Variants in HMGA2 observed in about 807,000 individuals in gnomAD.
HMGA2 encodes high mobility group AT-hook 2, also known as high mobility group protein HMGI-C.
A neutral mutation model predicts 19.1 loss-of-function variants in HMGA2; 8 were observed. The ratio of observed to expected loss-of-function variants is 0.42; its 90% CI spans 0.25 to 0.76. The LOEUF is 0.76. Ranked by LOEUF, HMGA2 falls within the 30% of genes least tolerant of loss-of-function variation. HMGA2 has a pLI of 0.28. For missense variants in HMGA2, 109 were observed against 136.3 expected (o/e 0.80, Z 1.00); for synonymous variants, 60 against 48.8 (o/e 1.23, Z -0.96).
chr12:65,878,792 C>A (rs929183244), intron 3 of HMGA2, among the ~76,000 whole-genome samples: 3 of 152,180 alleles, frequency 2.0e-5, no homozygotes, highest in African/African-American at 7.2e-5. Flanking sequence ...GGTGAGATGG[C>A]TCAGCTGATA....
intron 4 of HMGA2, among the ~76,000 whole-genome samples, chr12:65,959,876 A>T (rs2121327397): frequency 6.6e-6 from 1 of 152,226 alleles, no homozygotes; most frequent in African/African-American, 2.4e-5. Flanking sequence ...ACACACGGCC[A>T]TGTCTTTTTT....
chr12:65,874,457 A>G (rs1428321713), intron 3 of HMGA2, among the ~76,000 whole-genome samples: 1 of 152,162 alleles, frequency 6.6e-6, no homozygotes, highest in African/African-American at 2.4e-5. Flanking sequence ...TTACGCTCAT[A>G]CAACAAAGCC....
At chr12:65,941,553 T>C (rs978106844) in intron 3 of HMGA2, among the ~76,000 whole-genome samples, 2 of 152,204 alleles carry the variant, frequency 1.3e-5, no homozygotes, top group Non-Finnish European at 2.9e-5. Context: ...AGGAGAGATA[T>C]GACTCAGTTA....
At chr12:65,877,782 T>G (rs1873126479) in intron 3 of HMGA2, among the ~76,000 whole-genome samples, 1 of 151,996 alleles carries the variant, frequency 6.6e-6, no homozygotes, top group South Asian at 2.1e-4. Flanking sequence ...GCCTGGTTTT[T>G]TTTTTAGGCC....
chr12:65,883,098 C>G (rs568724658), intron 3 of HMGA2, among the ~76,000 whole-genome samples: 2 of 152,280 alleles, frequency 1.3e-5, no homozygotes, highest in South Asian at 4.1e-4. Context: ...ACCTTCCCAA[C>G]AGAGTTTAAA....
chr12:65,871,851 C>CT (rs1159238211), intron 3 of HMGA2, among the ~76,000 whole-genome samples: 1 of 152,234 alleles, frequency 6.6e-6, no homozygotes, highest in East Asian at 1.9e-4. Context: ...GCAGAATAAT[C>CT]TTTGATTACC....
intron 3 of HMGA2, among the ~76,000 whole-genome samples, chr12:65,880,789 A>G (rs73121705): frequency 0.017 from 2,524 of 152,328 alleles, 42 homozygotes; most frequent in Middle Eastern, 0.041. Context: ...ACTTAAAAAA[A>G]AAATTCCTCT....
intron 4 of HMGA2, among the ~76,000 whole-genome samples, chr12:65,961,908 G>C (rs1876763660): frequency 1.3e-5 from 2 of 152,148 alleles, no homozygotes; most frequent in South Asian, 4.1e-4. Context: ...CTAATGAATG[G>C]AAGTTTGGTC....
At chr12:65,900,383 T>C (rs1874322504) in intron 3 of HMGA2, among the ~76,000 whole-genome samples, 2 of 152,182 alleles carry the variant, frequency 1.3e-5, no homozygotes, top group South Asian at 4.1e-4. Flanking sequence ...TCCCCTGGAC[T>C]CCTTTTCAGG....
Position 65,946,005 on chromosome 12 carries a change from C to T in HMGA2, c.250-5378C>T, listed in dbSNP as rs554411668. ...GAAGTTGAAAAACAAATATCTTTTG[C>T]GTAAACATTTTTAATATGACACCAT... On this transcript the variant is annotated intron_variant, in intron 3 of 4. Coordinates refer to ENST00000403681, the MANE Select transcript of HMGA2 (RefSeq NM_003483.6). Among the ~76,000 whole-genome samples, 13 of 152,124 alleles carry T rather than the reference C, an allele frequency of 8.5e-5. No homozygotes were observed. In the East Asian group the frequency reaches 1.4e-3, roughly 16 times the overall value.
rs539751662 is a variant in HMGA2, at chr12:65,919,454, G to A, written c.250-31929G>A. Among the ~76,000 whole-genome samples the A allele has an allele frequency of 3.3e-5, 5 of 152,360 alleles. No individual in the cohort carries two copies. In the South Asian group the frequency reaches 1.0e-3, roughly 32 times the overall value. Reference sequence around the variant, plus strand: ...TTGCCTGATTTTCATAACAGTGGGTGAATGCAGAGATGCTTTAGTAGTAAG... The same window carrying A: ...TTGCCTGATTTTCATAACAGTGGGTAAATGCAGAGATGCTTTAGTAGTAAG... On this transcript the variant is annotated intron_variant, in intron 3 of 4. Transcript: ENST00000403681.
chr12:65,917,153 T>C (rs1210546850), intron 3 of HMGA2, among the ~76,000 whole-genome samples: 1 of 152,022 alleles, frequency 6.6e-6, no homozygotes, highest in Non-Finnish European at 1.5e-5. Context: ...TAGGAGCCCC[T>C]GGCTGAACCC....
At chr12:65,865,611 G>A (rs532107831) in intron 3 of HMGA2, among the ~76,000 whole-genome samples, 15 of 150,838 alleles carry the variant, frequency 9.9e-5, no homozygotes, top group East Asian at 5.8e-4. Flanking sequence ...CATTCTAAGC[G>A]TCTGTATCTC....
At chr12:65,916,246 C>CAGTTATCAGGT in intron 3 of HMGA2, among the ~76,000 whole-genome samples, 1 of 152,144 alleles carries the variant, frequency 6.6e-6, no homozygotes, top group Admixed American at 6.5e-5. Context: ...GGTATTCTTA[C>CAGTTATCAGGT]ATTCATCTCA....
At chr12:65,911,943 T>C (rs1874863535) in intron 3 of HMGA2, among the ~76,000 whole-genome samples, 2 of 152,194 alleles carry the variant, frequency 1.3e-5, no homozygotes, top group Non-Finnish European at 2.9e-5. Context: ...ACTATGATAG[T>C]GGCATCTCTA....
At chr12:65,860,013 G>A (rs1409063822) in intron 3 of HMGA2, 2 of 451,378 alleles carry the variant, frequency 4.4e-6, no homozygotes, top group Admixed American at 4.7e-5. Flanking sequence ...AAATGCTTGA[G>A]CCTGGCATGT....
chr12:65,944,696 A>C (rs578143045), intron 3 of HMGA2, among the ~76,000 whole-genome samples: 15 of 152,336 alleles, frequency 9.8e-5, no homozygotes, highest in Non-Finnish European at 8.8e-5. Context: ...ATGGGATTAA[A>C]CCATATGAAA....
At chr12:65,906,603 G>A (rs75620688) in intron 3 of HMGA2, among the ~76,000 whole-genome samples, 4,279 of 152,114 alleles carry the variant, frequency 0.028, 209 homozygotes, top group African/African-American at 0.098. Context: ...TTTAGAATCC[G>A]GGTGGTGAGT....
chr12:65,887,386 A>G lies in HMGA2; in HGVS notation c.249+48817A>G, dbSNP rs564054268. Among the ~76,000 whole-genome samples, 6 of 152,280 alleles carry G rather than the reference A, an allele frequency of 3.9e-5. No individual in the cohort carries two copies. The East Asian group carries it at 7.7e-4, about 20-fold the overall frequency. On this transcript the variant is annotated intron_variant, in intron 3 of 4. Coordinates refer to ENST00000403681, the MANE Select transcript of HMGA2 (RefSeq NM_003483.6). ...GTCGATCACCTGAGGTCAGGAGTTCAAAACCAGCCTGGCAACATGGCAAAA... is the reference window on the plus strand; with the variant it reads ...GTCGATCACCTGAGGTCAGGAGTTCGAAACCAGCCTGGCAACATGGCAAAA...
Sources: allele counts gnomAD v4.1 joint callset (sites outside exome capture counted in the v4.1 genomes callset), GRCh38; gene constraint gnomAD v4.1.1; transcripts MANE v1.5; gene names NCBI Gene and HGNC (gene_info 2026-07-23, HGNC 2026-07-21).